Variants in RBFOX1 observed in about 807,000 individuals in gnomAD.
RBFOX1 encodes the protein RNA binding fox-1 homolog 1.
RBFOX1 carries 8 observed loss-of-function variants against 57.7 expected under a neutral mutation model. The ratio of observed to expected loss-of-function variants is 0.14; its 90% CI spans 0.08 to 0.25. RBFOX1 has a LOEUF of 0.25. Among genes scored for constraint, RBFOX1 ranks in the 10% least tolerant of loss-of-function variants. RBFOX1 has a pLI of 1.00. For synonymous variants in RBFOX1, 326 were observed against 222.4 expected, an observed-to-expected ratio of 1.47 and a Z score of -4.15; for missense variants, 611 against 548.5, an observed-to-expected ratio of 1.11 and a Z score of -1.14.
rs902483632 is a variant in RBFOX1 at position 6,988,201 on chromosome 16, C to T, written c.-15-63856C>T. On this transcript the variant is annotated intron_variant, in intron 3 of 15. Transcript: ENST00000550418. Reference sequence around the variant, plus strand: ...AGAAGTGTCCTAATGGTAAATCTCCCCCTAAATTTTTGGAAACAAATTTGC... The same window carrying T: ...AGAAGTGTCCTAATGGTAAATCTCCTCCTAAATTTTTGGAAACAAATTTGC... Among the ~76,000 whole-genome samples, 5 of 152,138 alleles carry T rather than the reference C, an allele frequency of 3.3e-5. No homozygotes were observed. The East Asian group carries it at 7.7e-4, about 23-fold the overall frequency.
At chr16:5,268,659 G>C (rs1167484538) in intron 1 of RBFOX1, among the ~76,000 whole-genome samples, 1 of 152,190 alleles carries the variant, frequency 6.6e-6, no homozygotes, top group African/African-American at 2.4e-5. Context: ...CAGTCAATGT[G>C]CCCTCATGGC....
intron 4 of RBFOX1, among the ~76,000 whole-genome samples, chr16:7,321,159 C>T (rs558602900): frequency 1.8e-4 from 20 of 112,074 alleles, no homozygotes; most frequent in Admixed American, 1.2e-3. Flanking sequence ...TTTTTTGAGA[C>T]GGCGAGATGG....
At chr16:6,953,622 A>C (rs2081209459) in intron 3 of RBFOX1, among the ~76,000 whole-genome samples, 1 of 152,158 alleles carries the variant, frequency 6.6e-6, no homozygotes. Context: ...GCTGACTTGA[A>C]GTGATCCACT....
In RBFOX1 at chr16:7,336,652, T is replaced by G. The variant is rs186828179; in HGVS notation, c.28-181495T>G. Among the ~76,000 whole-genome samples the G allele has an allele frequency of 2.2e-3, 332 of 152,358 alleles. 3 individuals carry two copies. The highest frequency in any genetic ancestry group is 7.3e-3 in the African/African-American group (304 of 41,580). ...GTCAGAGGGAGGAAATGATAGGTAA[T>G]GATTGTTGAACACAATATTGTCATG... On this transcript the variant is annotated intron_variant, in intron 4 of 15. Coordinates refer to ENST00000550418, the MANE Select transcript of RBFOX1 (RefSeq NM_018723.4).
At chr16:7,217,618 A>G (rs1341867157) in intron 4 of RBFOX1, among the ~76,000 whole-genome samples, 1 of 152,078 alleles carries the variant, frequency 6.6e-6, no homozygotes, top group Non-Finnish European at 1.5e-5. Context: ...AATATAATCA[A>G]TTACTTGGCT....
chr16:6,883,907 G>C (rs573451221), intron 3 of RBFOX1, among the ~76,000 whole-genome samples: 3 of 152,180 alleles, frequency 2.0e-5, no homozygotes, highest in African/African-American at 4.8e-5. Flanking sequence ...TTAAGTTAGA[G>C]GGGAACATCT....
At chr16:5,548,822 C>T (rs905351868) in intron 2 of RBFOX1, among the ~76,000 whole-genome samples, 3 of 152,130 alleles carry the variant, frequency 2.0e-5, no homozygotes, top group African/African-American at 7.2e-5. Context: ...TCAGTGAAAA[C>T]ACCTGAGCAT....
chr16:6,870,477 A>G (rs914633364), intron 3 of RBFOX1, among the ~76,000 whole-genome samples: 5 of 152,212 alleles, frequency 3.3e-5, no homozygotes, highest in Admixed American at 6.5e-5. Flanking sequence ...TAGCTTCACA[A>G]CAAGGATTTA....
intron 4 of RBFOX1, among the ~76,000 whole-genome samples, chr16:7,091,900 A>G (rs1052175136): frequency 1.3e-5 from 2 of 152,188 alleles, no homozygotes; most frequent in Non-Finnish European, 2.9e-5. Flanking sequence ...ATTGTCTTGG[A>G]TCATCATGCC....
chr16:6,509,278 C>G (rs8055926), intron 2 of RBFOX1, among the ~76,000 whole-genome samples: 6 of 151,894 alleles, frequency 4.0e-5, no homozygotes, highest in Admixed American at 2.0e-4. Context: ...CTTATATATT[C>G]TGGTTATTAA....
chr16:5,358,438 A>C (rs574291079), intron 1 of RBFOX1, among the ~76,000 whole-genome samples: 1 of 152,330 alleles, frequency 6.6e-6, no homozygotes, highest in South Asian at 2.1e-4. Flanking sequence ...TGTTGTGGGT[A>C]CATAGAGGTG....
chr16:5,832,493 G>A lies in RBFOX1; in HGVS notation c.319-34810G>A, dbSNP rs571558490. On this transcript the variant is annotated intron_variant, in intron 3 of 19. Transcript: ENST00000641259. ...AAATTGATAATAGTCCCAGCTCTTG[G>A]GGCTGTTTCAAGGGTTATTTTATGC... Among the ~76,000 whole-genome samples the A allele has an allele frequency of 2.6e-5, 4 of 152,268 alleles. No homozygotes were observed. The East Asian group carries it at 7.7e-4, about 29-fold the overall frequency.
chr16:6,029,146 T>C (rs902147854), intron 1 of RBFOX1, among the ~76,000 whole-genome samples: 1 of 152,228 alleles, frequency 6.6e-6, no homozygotes, highest in Non-Finnish European at 1.5e-5. Flanking sequence ...GACTCTTTGA[T>C]ACAAAAGGTT....
chr16:7,620,467 C>G (rs1037150950), intron 10 of RBFOX1, among the ~76,000 whole-genome samples: 1 of 152,234 alleles, frequency 6.6e-6, no homozygotes, highest in Non-Finnish European at 1.5e-5. Context: ...TTTGCCTCCT[C>G]TATGTCTTAT....
intron 4 of RBFOX1, among the ~76,000 whole-genome samples, chr16:7,244,546 G>C (rs1010102559): frequency 7.9e-5 from 12 of 152,198 alleles, no homozygotes; most frequent in African/African-American, 2.9e-4. Flanking sequence ...GCCAGCGGTG[G>C]CTCTCAGTTG....
chr16:6,909,406 T>C (rs1288346261), intron 3 of RBFOX1, among the ~76,000 whole-genome samples: 1 of 152,210 alleles, frequency 6.6e-6, no homozygotes, highest in Non-Finnish European at 1.5e-5. Flanking sequence ...GATCCTTTAT[T>C]ACATCTGCCA....
chr16:7,510,242 A>G (rs2074658761), intron 4 of RBFOX1: 1 of 985,878 alleles, frequency 1.0e-6, no homozygotes, highest in South Asian at 4.7e-5. Flanking sequence ...CTTGGGGCAG[A>G]TGCTTTGTGG....
At chr16:6,884,747 A>C (rs1184360537) in intron 3 of RBFOX1, among the ~76,000 whole-genome samples, 2 of 152,030 alleles carry the variant, frequency 1.3e-5, no homozygotes, top group Non-Finnish European at 2.9e-5. Flanking sequence ...AAAATACAAA[A>C]ATTAGCTAGG....
chr16:7,052,863 T>C (rs1484728893), intron 4 of RBFOX1, among the ~76,000 whole-genome samples: 1 of 152,194 alleles, frequency 6.6e-6, no homozygotes, highest in Admixed American at 6.5e-5. Context: ...TAGATTATGA[T>C]TGGTGTATTT....
Sources: gnomAD v4.1 joint callset for allele counts (sites outside exome capture counted in the v4.1 genomes callset) on GRCh38, gnomAD v4.1.1 for gene constraint, MANE v1.5 for transcripts, NCBI Gene and HGNC (gene_info 2026-07-23, HGNC 2026-07-21) for gene names.